CBY1: variants seen among roughly 807,000 people sequenced by gnomAD.
The protein encoded by CBY1 is protein chibby homolog 1.
CBY1 carries 10 observed loss-of-function variants against 15.6 expected under a neutral mutation model. That is an observed-to-expected ratio of 0.64 (90% CI 0.40 to 1.09). CBY1 has a LOEUF of 1.09. Ranked by LOEUF, CBY1 falls within the 50% of genes least tolerant of loss-of-function variation. The probability of loss-of-function intolerance (pLI) is 0.01; values close to 1 mark genes in which losing one functional copy is unlikely to be tolerated. For missense variants in CBY1, 150 were observed against 160.5 expected, an observed-to-expected ratio of 0.93 and a Z score of 0.35; for synonymous variants, 61 against 63.5, an observed-to-expected ratio of 0.96 and a Z score of 0.19.
At chr22:38,663,653 G>A (rs1821375767) in intron 1 of CBY1, among the ~76,000 whole-genome samples, 1 of 140,890 alleles carries the variant, frequency 7.1e-6, no homozygotes, top group Non-Finnish European at 1.5e-5. Flanking sequence ...CTGAGATGGC[G>A]CCATTGCACT....
intron 1 of CBY1, among the ~76,000 whole-genome samples, chr22:38,662,261 C>T (rs182731817): frequency 1.3e-5 from 2 of 150,134 alleles, no homozygotes; most frequent in Admixed American, 6.6e-5. Flanking sequence ...GAGATCACGC[C>T]ACTGCACTCT....
intron 1 of CBY1, among the ~76,000 whole-genome samples, chr22:38,659,673 T>C (rs546775288): frequency 1.2e-3 from 187 of 152,002 alleles, no homozygotes; most frequent in Non-Finnish European, 2.1e-3. Flanking sequence ...CCATCCTGGC[T>C]AACACGGTGA....
At chr22:38,668,722 C>G (rs73157168) in intron 2 of CBY1, 1 of 152,884 alleles carries the variant, frequency 6.5e-6, no homozygotes, top group Non-Finnish European at 1.5e-5. Context: ...TCCTACAGAG[C>G]TAGCTATGCA....
At chr22:38,671,296 C>T (rs1016488827) in intron 4 of CBY1, 108 bp downstream of exon 4, 30 of 842,514 alleles carry the variant, frequency 3.6e-5, no homozygotes, top group African/African-American at 3.2e-4. Context: ...TGGCCAGGTA[C>T]GTTGCTTTGC....
At chr22:38,657,083 C>G in intron 1 of CBY1, 5 of 978,524 alleles carry the variant, frequency 5.1e-6, no homozygotes, top group Non-Finnish European at 4.9e-6. Flanking sequence ...TTGGGGGACA[C>G]GTATATCTTT....
In CBY1 at chr22:38,673,293, C is replaced by T. The variant is rs2092458531; in HGVS notation, c.*57C>T. 8.9e-7 allele frequency: 1 copy of T among 1,129,342 alleles called. No individual in the cohort carries two copies. Among genetic ancestry groups the T allele is most frequent in the South Asian group, 1.2e-5 (1 of 80,380 alleles). 70.0% of individuals were successfully genotyped at this position (1,129,342 alleles called of 1,614,324 possible). A position where few individuals can be genotyped will look rare whatever the true frequency, so the allele number is the denominator to read the frequency against. ...TGTGGCTGAGTGCTTTTTTTTTGGC[C>T]AGACTAGCGGATTCAGTCCTGGAAG... On this transcript the variant is annotated 3_prime_UTR_variant, in exon 5 of 5. Transcript: ENST00000216029.
At chr22:38,669,377 C>A (rs2092446092) in intron 2 of CBY1, among the ~76,000 whole-genome samples, 1 of 152,090 alleles carries the variant, frequency 6.6e-6, no homozygotes, top group Non-Finnish European at 1.5e-5. Context: ...ATTCTAGAAT[C>A]TAGAATAGAT....
intron 2 of CBY1, chr22:38,668,471 A>G (rs1371449313): frequency 1.1e-5 from 2 of 180,862 alleles, no homozygotes; most frequent in African/African-American, 2.4e-5. Context: ...CCCGGGTTCA[A>G]GCGATTCTCC....
chr22:38,670,136 A>G (rs930949415), intron 2 of CBY1: 5 of 152,330 alleles, frequency 3.3e-5, no homozygotes, highest in African/African-American at 1.2e-4. Context: ...AAGCTGAGGC[A>G]GAAGAGTTGC....
intron 1 of CBY1, among the ~76,000 whole-genome samples, chr22:38,658,815 A>G (rs2092413360): frequency 6.6e-6 from 1 of 152,194 alleles, no homozygotes. Context: ...TATGGGGGAA[A>G]TACCATACAC....
intron 1 of CBY1, chr22:38,667,786 T>C (rs1321413258): frequency 4.4e-6 from 2 of 451,374 alleles, no homozygotes; most frequent in Non-Finnish European, 7.9e-6. Context: ...ACCTACTCCA[T>C]GACAATGGCA....
rs192432914 is a variant in CBY1 at position 38,663,651 on chromosome 22, G to A, written c.-38-4366G>A. Among the ~76,000 whole-genome samples, 454 of 149,172 alleles carry A rather than the reference G, an allele frequency of 3.0e-3. 2 individuals are homozygous for A. Among genetic ancestry groups the A allele is most frequent in the Middle Eastern group, 0.014 (4 of 292 alleles). Reference sequence around the variant, plus strand: ...GTGGAGGTTGCGGTGTGCTGAGATGGCGCCATTGCACTTCAGCCTGGGCCA... The same window carrying A: ...GTGGAGGTTGCGGTGTGCTGAGATGACGCCATTGCACTTCAGCCTGGGCCA... On this transcript the variant is annotated intron_variant, in intron 1 of 4. Transcript: ENST00000216029.
At chr22:38,659,146 G>A (rs2092414372) in intron 1 of CBY1, among the ~76,000 whole-genome samples, 1 of 151,994 alleles carries the variant, frequency 6.6e-6, no homozygotes, top group Admixed American at 6.6e-5. Context: ...ATGTTGGCCA[G>A]GCTGGTCTCG....
At position 38,668,219 on chromosome 22, in the gene CBY1, G is replaced by A. The variant is rs1327623986; in HGVS notation, c.78+87G>A. 3 of 825,408 alleles carry A rather than the reference G, an allele frequency of 3.6e-6. No homozygotes were observed. The South Asian group carries it at 4.0e-5, about 11-fold the overall frequency. The allele number at this position is 825,408 out of a possible 1,614,324, so 51.1% of individuals were successfully genotyped here. A position where few individuals can be genotyped will look rare whatever the true frequency, so the allele number is the denominator to read the frequency against. The stretch of plus-strand genomic sequence containing the variant: ...TGAATGGAAAGTGTGGTCCTCCAGA[G>A]GCATCAGTGCAGGAGGGCATCCTTT... On this transcript the variant is annotated intron_variant, in intron 2 of 4. Coordinates refer to ENST00000216029, the MANE Select transcript of CBY1 (RefSeq NM_015373.4).
At chr22:38,664,564 T>C (rs892683593) in intron 1 of CBY1, among the ~76,000 whole-genome samples, 3 of 151,396 alleles carry the variant, frequency 2.0e-5, no homozygotes, top group Non-Finnish European at 4.4e-5. Context: ...CTCAACTTAA[T>C]TAGTTATTTG....
At chr22:38,668,230 A>C in intron 2 of CBY1, 98 bp downstream of exon 2, 1 of 753,530 alleles carries the variant, frequency 1.3e-6, no homozygotes, top group Non-Finnish European at 2.4e-6. Flanking sequence ...GCATCAGTGC[A>C]GGAGGGCATC....
chr22:38,665,846 C>A (rs1400360370), intron 1 of CBY1, among the ~76,000 whole-genome samples: 1 of 151,810 alleles, frequency 6.6e-6, no homozygotes, highest in Non-Finnish European at 1.5e-5. Context: ...ACCAGCCTGG[C>A]CAACATGGTA....
chr22:38,672,861 A>G (rs2145789620), intron 4 of CBY1, among the ~76,000 whole-genome samples: 1 of 152,258 alleles, frequency 6.6e-6, no homozygotes, highest in African/African-American at 2.4e-5. Context: ...TAGCCTTACA[A>G]TCACCAGTAT....
At chr22:38,661,758 C>T (rs9610995) in intron 1 of CBY1, among the ~76,000 whole-genome samples, 44,892 of 151,882 alleles carry the variant, frequency 0.3, 6,725 homozygotes, top group East Asian at 0.36. Flanking sequence ...GATATAAAAC[C>T]TTGTTTCAAA....
Sources: allele counts gnomAD v4.1 joint callset (sites outside exome capture counted in the v4.1 genomes callset), GRCh38; gene constraint gnomAD v4.1.1; transcripts MANE v1.5; gene names NCBI Gene and HGNC (gene_info 2026-07-23, HGNC 2026-07-21).